The following DDX27 variants were observed in gnomAD, a reference collection of about 807,000 sequenced individuals.
DDX27 encodes the protein probable ATP-dependent RNA helicase DDX27.
In DDX27, 42 loss-of-function variants were observed where a neutral mutation model predicts 99.3. The ratio of observed to expected loss-of-function variants is 0.42; its 90% CI spans 0.33 to 0.55. The LOEUF (loss-of-function observed/expected upper bound fraction) is 0.55. Ranked by LOEUF, DDX27 falls within the 20% of genes least tolerant of loss-of-function variation. The probability of loss-of-function intolerance (pLI) is 0.07; values close to 1 mark genes in which losing one functional copy is unlikely to be tolerated. For synonymous variants in DDX27, 329 were observed against 353.8 expected (o/e 0.93, Z 0.79); for missense variants, 798 against 976.8 (o/e 0.82, Z 2.44).
chr20:49,227,533 A>T (rs530639646), intron 7 of DDX27, among the ~76,000 whole-genome samples: 41 of 151,840 alleles, frequency 2.7e-4, no homozygotes, highest in Non-Finnish European at 2.9e-4. Flanking sequence ...CACCCGGCTG[A>T]TTTTTGTATT....
At chr20:49,220,566 G>A (rs550525549) in intron 1 of DDX27, among the ~76,000 whole-genome samples, 4 of 151,834 alleles carry the variant, frequency 2.6e-5, no homozygotes, top group South Asian at 2.1e-4. Context: ...TCCTCAGGCA[G>A]CGTCTGGGTC....
intron 14 of DDX27, chr20:49,238,056 G>A (rs754564946): frequency 6.6e-6 from 1 of 152,162 alleles, no homozygotes; most frequent in Admixed American, 6.5e-5. Flanking sequence ...GTCTTGCTCT[G>A]TTGCCAGGCT....
At chr20:49,233,428 G>A (rs1315732244) in intron 10 of DDX27, 23 bp downstream of exon 10, 1 of 1,611,860 alleles carries the variant, frequency 6.2e-7, no homozygotes, top group East Asian at 2.2e-5. Flanking sequence ...ACTTCTCTGT[G>A]GCGGGTGGCA....
chr20:49,220,770 A>C (rs1209227924), intron 1 of DDX27, among the ~76,000 whole-genome samples: 1 of 148,114 alleles, frequency 6.8e-6, no homozygotes, highest in Non-Finnish European at 1.5e-5. Context: ...TGTCACACCC[A>C]TGATGCGGGG....
intron 2 of DDX27, 137 bp downstream of exon 2, chr20:49,221,735 T>TAA: frequency 6.2e-6 from 4 of 647,320 alleles, no homozygotes; most frequent in South Asian, 3.9e-5. Context: ...AATAACTGGT[T>TAA]AAAAAAAAAC....
At position 49,236,097 on chromosome 20, in the gene DDX27, A is replaced by G. The variant is rs1427703285; in HGVS notation, c.1428-53A>G. 9.2e-6 allele frequency: 14 copies of G among 1,524,850 alleles called. No homozygotes were observed. Among genetic ancestry groups the G allele is most frequent in the South Asian group, 1.2e-5 (1 of 82,446 alleles). The allele number at this position is 1,524,850 out of a possible 1,614,324, so 94.5% of individuals were successfully genotyped here. A position where few individuals can be genotyped will look rare whatever the true frequency, so the allele number is the denominator to read the frequency against. On this transcript the variant is annotated intron_variant, in intron 12 of 20. Transcript: ENST00000618172. The surrounding 1 kb of genome is among the most constrained non-coding windows in gnomAD (Gnocchi z 4.1). Reference sequence around the variant, plus strand: ...CCTCTGCTGGCTCAGGCTCTTGTGGAGCATTATTAGGGGAGGGTGTCTGGA... The same window carrying G: ...CCTCTGCTGGCTCAGGCTCTTGTGGGGCATTATTAGGGGAGGGTGTCTGGA...
At position 49,227,927 on chromosome 20, in the gene DDX27, G is replaced by A. The variant is rs377021853; in HGVS notation, c.707-788G>A. Reference sequence around the variant, plus strand: ...GCAATCTTGGCTCACTGCAACCTCCGCCTCCCGGGTTCAAGCGATTCTCCT... The same window carrying A: ...GCAATCTTGGCTCACTGCAACCTCCACCTCCCGGGTTCAAGCGATTCTCCT... On this transcript the variant is annotated intron_variant, in intron 7 of 20. Coordinates refer to ENST00000618172, the MANE Select transcript of DDX27 (RefSeq NM_017895.8). Among the ~76,000 whole-genome samples the A allele has an allele frequency of 1.1e-4, 16 of 147,568 alleles. 1 individual carries two copies. The highest frequency in any genetic ancestry group is 6.5e-4 in the South Asian group (3 of 4,644).
chr20:49,229,038 T>G (rs1191952703), intron 8 of DDX27, 150 bp downstream of exon 8: 2 of 667,304 alleles, frequency 3.0e-6, no homozygotes, highest in African/African-American at 3.9e-5. Context: ...GACTTTTTTT[T>G]TTTTTTTTTT....
At chr20:49,228,477 T>G (rs1338721454) in intron 7 of DDX27, among the ~76,000 whole-genome samples, 1 of 152,200 alleles carries the variant, frequency 6.6e-6, no homozygotes, top group East Asian at 1.9e-4. Flanking sequence ...TTCACTATGT[T>G]GGCCAGGCTG....
At chr20:49,243,505 G>A (rs1980548844) in intron 19 of DDX27, 124 bp from the exon 20 acceptor site, 2 of 809,762 alleles carry the variant, frequency 2.5e-6, no homozygotes, top group Non-Finnish European at 2.1e-6. Flanking sequence ...TTAGAACTTA[G>A]GGCCTGAAAA....
intron 2 of DDX27, among the ~76,000 whole-genome samples, chr20:49,222,318 TG>T (rs201080591): frequency 4.6e-5 from 7 of 150,642 alleles, no homozygotes; most frequent in East Asian, 2.0e-4. Context: ...AGTTTTTTTT[TG>T]TTGTTTTTGA....
rs534821487 is a variant in DDX27 at position 49,222,599 on chromosome 20, C to G, written c.241-358C>G. Reference sequence around the variant, plus strand: ...GCGTGATCTCGGCTCACTGCCACCTCCGCCTCCCAGGTTCAAGCAATTCTC... The same window carrying G: ...GCGTGATCTCGGCTCACTGCCACCTGCGCCTCCCAGGTTCAAGCAATTCTC... On this transcript the variant is annotated intron_variant, in intron 2 of 20. Transcript: ENST00000618172. Among the ~76,000 whole-genome samples the G allele has an allele frequency of 4.2e-4, 64 of 152,188 alleles. 1 individual carries two copies. In the South Asian group the frequency reaches 0.013, roughly 31 times the overall value.
In DDX27 at chr20:49,233,723, G is replaced by A. The variant is rs577515913; in HGVS notation, c.1273+14G>A. On this transcript the variant is annotated intron_variant, in intron 11 of 20. Transcript: ENST00000618172. ...CCATCGTGGCAGGTGGCAGCACAGG[G>A]CAAGCCTGGGCAGGGTGGGCTGGTC... The A allele has an allele frequency of 3.0e-5, 48 of 1,607,756 alleles. No individual in the cohort carries two copies. The South Asian group carries it at 4.9e-4, about 17-fold the overall frequency.
intron 11 of DDX27, 195 bp from the exon 12 acceptor site, chr20:49,234,740 T>A (rs941447521): frequency 5.4e-6 from 3 of 551,294 alleles, no homozygotes; most frequent in Non-Finnish European, 9.1e-6. Flanking sequence ...GTCCCTGCAC[T>A]CTCTCTCACA....
chr20:49,242,534 AG>A, intron 18 of DDX27, 59 bp from the exon 19 acceptor site: 1 of 1,511,880 alleles, frequency 6.6e-7, no homozygotes, highest in Non-Finnish European at 9.1e-7. Flanking sequence ...CTTGAACTTA[AG>A]GGGATTTAGG....
chr20:49,229,888 C>T (rs1337636334), intron 8 of DDX27, among the ~76,000 whole-genome samples: 1 of 152,152 alleles, frequency 6.6e-6, no homozygotes, highest in African/African-American at 2.4e-5. Context: ...TGAGGTGATC[C>T]ACCTGCCTTG....
At chr20:49,219,958 G>C (rs1241372769) in intron 1 of DDX27, among the ~76,000 whole-genome samples, 1 of 152,138 alleles carries the variant, frequency 6.6e-6, no homozygotes, top group Non-Finnish European at 1.5e-5. Flanking sequence ...AGCGTTGGGG[G>C]CGTAGCAATG....
Position 49,233,601 on chromosome 20 carries a change from C to G in DDX27, c.1165C>G (p.Pro389Ala), listed in dbSNP as rs763083120. 2.5e-6 allele frequency: 4 copies of G among 1,613,954 alleles called. No homozygotes were observed. Among genetic ancestry groups the G allele is most frequent in the Middle Eastern group, 1.6e-4 (1 of 6,062 alleles). The change falls in exon 11 of 21, where the codon CCT becomes GCT. Residue 389 changes from proline (P) to alanine (A), a missense_variant. By Grantham distance (27) the Pro-to-Ala change is conservative. Around this residue, in one of 2 missense-constraint regions of DDX27, gnomAD observed 553 missense variants for 727.9 expected, o/e 0.76. Transcript: ENST00000618172. The part of the protein sequence containing the change: ...KDLASVSLKN[P>A]VRIFVNSNTD... ...TCTGGCTTCTGTCTCCTTGAAGAAT[C>G]CTGTCCGGATATTTGTGAACAGCAA...
chr20:49,227,238 T>C (rs1017684354), intron 7 of DDX27, among the ~76,000 whole-genome samples: 2 of 152,114 alleles, frequency 1.3e-5, no homozygotes, highest in Non-Finnish European at 2.9e-5. Context: ...GCAAAAATAG[T>C]GCATAGGGTC....
Sources: gnomAD v4.1 joint callset for allele counts (sites outside exome capture counted in the v4.1 genomes callset) on GRCh38, gnomAD v4.1.1 for gene constraint, gnomAD v4.1.1 regional missense constraint, Gnocchi (gnomAD v3.1) non-coding constraint, MANE v1.5 for transcripts, NCBI Gene and HGNC (gene_info 2026-07-23, HGNC 2026-07-21) for gene names.